The following FHIT variants were observed in gnomAD, a reference collection of about 807,000 sequenced individuals.
The protein encoded by FHIT is bis(5'-adenosyl)-triphosphatase.
A neutral mutation model predicts 17.9 loss-of-function variants in FHIT; 19 were observed. That is an observed-to-expected ratio of 1.06 (90% confidence interval 0.74 to 1.56). FHIT has a LOEUF of 1.56. Ranked by LOEUF, FHIT falls within the 40% of genes most tolerant of loss-of-function variation. The probability of loss-of-function intolerance (pLI) is 0.00; values close to 1 mark genes in which losing one functional copy is unlikely to be tolerated. For synonymous variants in FHIT, 81 were observed against 69.7 expected (o/e 1.16, Z -0.81); for missense variants, 248 against 189.2 (o/e 1.31, Z -1.82).
At chr3:60,449,981 G>GC (rs1559923740) in intron 5 of FHIT, among the ~76,000 whole-genome samples, 3 of 127,684 alleles carry the variant, frequency 2.3e-5, no homozygotes, top group Non-Finnish European at 4.7e-5. Context: ...CCAGCCTGGC[G>GC]ACAGAGCTAG....
intron 5 of FHIT, among the ~76,000 whole-genome samples, chr3:60,278,626 AAAAT>A (rs1363709071): frequency 1.2e-4 from 19 of 152,124 alleles, no homozygotes; most frequent in African/African-American, 4.6e-4. Flanking sequence ...GGGAAGACAA[AAAAT>A]ACGAGCACAC....
intron 3 of FHIT, among the ~76,000 whole-genome samples, chr3:60,873,562 A>G (rs1285223155): frequency 6.6e-6 from 1 of 152,146 alleles, no homozygotes; most frequent in Non-Finnish European, 1.5e-5. Context: ...TCAGAAGTAC[A>G]CAAACCAACA....
intron 4 of FHIT, among the ~76,000 whole-genome samples, chr3:60,619,598 TGCA>T (rs1311148033): frequency 8.1e-4 from 37 of 45,754 alleles, no homozygotes; most frequent in African/African-American, 4.4e-3. Flanking sequence ...GATACCCACA[TGCA>T]AAAAAAAAAA....
intron 8 of FHIT, among the ~76,000 whole-genome samples, chr3:59,785,634 CAG>C (rs1702816355): frequency 6.6e-6 from 1 of 152,086 alleles, no homozygotes; most frequent in African/African-American, 2.4e-5. Flanking sequence ...TTTCCTTTTT[CAG>C]TGCATGTATT....
intron 2 of FHIT, among the ~76,000 whole-genome samples, chr3:61,057,094 C>T (rs1328350076): frequency 6.6e-6 from 1 of 152,172 alleles, no homozygotes; most frequent in Non-Finnish European, 1.5e-5. Context: ...CTGTGTAGAA[C>T]CTTTGACATA....
rs958477080 is a variant in FHIT, at chr3:60,264,897, C to A, written c.104-250745G>T. ...CAAGGAGCGTTTTCTAATTGCCCCCCTGAAATTTTAATACCACAGATTTTC... is the reference window on the plus strand; with the variant it reads ...CAAGGAGCGTTTTCTAATTGCCCCCATGAAATTTTAATACCACAGATTTTC... On this transcript the variant is annotated intron_variant, in intron 5 of 9. Coordinates refer to ENST00000492590, the MANE Select transcript of FHIT (RefSeq NM_002012.4). Among the ~76,000 whole-genome samples, 16 of 152,014 alleles carry A rather than the reference C, an allele frequency of 1.1e-4. No individual in the cohort carries two copies. The East Asian group carries it at 3.1e-3, about 29-fold the overall frequency.
chr3:60,941,357 A>T (rs1285283973), intron 3 of FHIT, among the ~76,000 whole-genome samples: 1 of 152,156 alleles, frequency 6.6e-6, no homozygotes, highest in Non-Finnish European at 1.5e-5. Flanking sequence ...TTTCTCTTCT[A>T]TAATTTTCTA....
chr3:59,912,675 AAC>A (rs1029389811), intron 8 of FHIT, among the ~76,000 whole-genome samples: 4 of 152,216 alleles, frequency 2.6e-5, no homozygotes, highest in African/African-American at 9.6e-5. Context: ...TACTAGAAGA[AAC>A]AATTTTTTAG....
At chr3:60,885,327 T>C (rs1705174926) in intron 3 of FHIT, among the ~76,000 whole-genome samples, 2 of 152,174 alleles carry the variant, frequency 1.3e-5, no homozygotes, top group South Asian at 4.1e-4. Context: ...TGTATAATTA[T>C]TATGTATCAA....
chr3:60,059,458 A>G (rs1208840372), intron 5 of FHIT, among the ~76,000 whole-genome samples: 1 of 152,162 alleles, frequency 6.6e-6, no homozygotes, highest in Non-Finnish European at 1.5e-5. Context: ...AAGTACAACA[A>G]CATATAAAAC....
intron 2 of FHIT, among the ~76,000 whole-genome samples, chr3:61,043,712 C>A (rs192650564): frequency 6.9e-4 from 105 of 152,360 alleles, no homozygotes; most frequent in African/African-American, 2.5e-3. Context: ...AGTAGCCTAA[C>A]TGGGAGATAC....
chr3:60,606,113 C>T lies in FHIT; in HGVS notation c.-17-69134G>A, dbSNP rs549230833. ...CCAGAGTGTGCTAGAGCCAGAGGGA[C>T]CAACTCTTTCTCCCTAACTTCCTAC... On this transcript the variant is annotated intron_variant, in intron 4 of 9. Transcript: ENST00000492590. 2.2e-4 allele frequency among the ~76,000 whole-genome samples: 34 copies of T among 152,232 alleles called. No individual in the cohort carries two copies. In the South Asian group the frequency reaches 6.6e-3, roughly 30 times the overall value.
At chr3:60,643,748 T>C (rs1298673036) in intron 4 of FHIT, among the ~76,000 whole-genome samples, 4 of 152,230 alleles carry the variant, frequency 2.6e-5, no homozygotes, top group Non-Finnish European at 4.4e-5. Context: ...GGTAGTAGTA[T>C]CTGCATTAAG....
chr3:60,091,741 G>A (rs1703742376), intron 5 of FHIT, among the ~76,000 whole-genome samples: 1 of 152,040 alleles, frequency 6.6e-6, no homozygotes, highest in South Asian at 2.1e-4. Context: ...TTAAAAGTGT[G>A]CGGCACCTCC....
At chr3:59,904,094 C>A in intron 8 of FHIT, among the ~76,000 whole-genome samples, 1 of 149,710 alleles carries the variant, frequency 6.7e-6, no homozygotes, top group Admixed American at 6.7e-5. Context: ...ACCCCCCCGC[C>A]CCCGGACAGC....
intron 5 of FHIT, among the ~76,000 whole-genome samples, chr3:60,134,959 A>T (rs1044457812): frequency 2.0e-5 from 3 of 151,940 alleles, no homozygotes; most frequent in African/African-American, 7.2e-5. Flanking sequence ...GGAAAGAGAA[A>T]GGTGGACAGG....
At chr3:60,394,062 T>G (rs68056303) in intron 5 of FHIT, among the ~76,000 whole-genome samples, 1 of 151,936 alleles carries the variant, frequency 6.6e-6, no homozygotes, top group Non-Finnish European at 1.5e-5. Context: ...GATAGGCTTA[T>G]GGTGTAAGCA....
chr3:60,921,422 C>T (rs1252297174), intron 3 of FHIT, among the ~76,000 whole-genome samples: 1 of 152,126 alleles, frequency 6.6e-6, no homozygotes, highest in South Asian at 2.1e-4. Flanking sequence ...AAGTGAAGAA[C>T]AGTGCCTTCA....
At chr3:60,441,226 AGC>A (rs1440528892) in intron 5 of FHIT, among the ~76,000 whole-genome samples, 3 of 152,112 alleles carry the variant, frequency 2.0e-5, no homozygotes, top group Admixed American at 6.6e-5. Flanking sequence ...ATCACTGATG[AGC>A]TATACCTTTG....
Sources: gnomAD v4.1 joint callset for allele counts (sites outside exome capture counted in the v4.1 genomes callset) on GRCh38, gnomAD v4.1.1 for gene constraint, MANE v1.5 for transcripts, NCBI Gene and HGNC (gene_info 2026-07-23, HGNC 2026-07-21) for gene names.